GFM1: variants seen among roughly 807,000 people sequenced by gnomAD.
The protein encoded by GFM1 is elongation factor G, mitochondrial.
A neutral mutation model predicts 96.2 loss-of-function variants in GFM1; 62 were observed. That is an observed-to-expected ratio of 0.64 (90% CI 0.53 to 0.80). GFM1 has a LOEUF of 0.80. Ranked by LOEUF, GFM1 falls within the 30% of genes least tolerant of loss-of-function variation. GFM1 has a pLI of 0.00. For missense variants in GFM1, 852 were observed against 916.6 expected (o/e 0.93, Z 0.91); for synonymous variants, 282 against 312.9 (o/e 0.90, Z 1.04).
intron 9 of GFM1, among the ~76,000 whole-genome samples, chr3:158,659,960 A>G (rs1723067056): frequency 6.6e-6 from 1 of 152,318 alleles, no homozygotes; most frequent in East Asian, 1.9e-4. Context: ...AAAGAAAGAC[A>G]TGCTTACTCA....
rs948498221 is a variant in GFM1, at chr3:158,692,954, A to G, written c.*1487A>G. ...GCTCTCTGCCTGCCCCAGCCTCCCA[A>G]AGTGCTGGGATTATGGGCATGAACC... On this transcript the variant is annotated 3_prime_UTR_variant, in exon 18 of 18. Transcript: ENST00000486715. Among the ~76,000 whole-genome samples, 1 of 152,096 alleles carries G rather than the reference A, an allele frequency of 6.6e-6. No individual in the cohort carries two copies. Among genetic ancestry groups the G allele is most frequent in the Non-Finnish European group, 1.5e-5 (1 of 67,998 alleles).
Position 158,645,740 on chromosome 3 carries a change from C to G in GFM1, c.193C>G (p.Arg65Gly). Residue 65 changes from arginine (R) to glycine (G), a missense_variant, in exon 2 of 18, where the codon CGA becomes GGA. Transcript: ENST00000486715. ...TTCTGGGAAAACTACATTAACAGAA[C>G]GAGTCCTTTACTACACTGGCAGAAT... The part of the protein sequence containing the change: ...IDSGKTTLTE[R>G]VLYYTGRIAK... 6.2e-7 allele frequency: 1 copy of G among 1,611,970 alleles called. No individual in the cohort carries two copies. Among genetic ancestry groups the G allele is most frequent in the Non-Finnish European group, 8.5e-7 (1 of 1,178,108 alleles).
At chr3:158,644,807 T>C (rs1230085207) in intron 1 of GFM1, 92 bp downstream of exon 1, 5 of 1,067,586 alleles carry the variant, frequency 4.7e-6, no homozygotes, top group African/African-American at 1.6e-5. Context: ...CCCTGGGTCC[T>C]CATGACTGAC....
At chr3:158,690,078 A>G (rs758137802) in intron 15 of GFM1, 85 bp from the exon 16 acceptor site, 5 of 1,213,164 alleles carry the variant, frequency 4.1e-6, no homozygotes, top group Non-Finnish European at 6.0e-6. Flanking sequence ...TTGGGAAAGC[A>G]TCATTTTTCT....
intron 13 of GFM1, among the ~76,000 whole-genome samples, chr3:158,671,670 CAGAT>C (rs1724328857): frequency 6.6e-6 from 1 of 152,126 alleles, no homozygotes; most frequent in Non-Finnish European, 1.5e-5. Flanking sequence ...AAAATTCTGT[CAGAT>C]AAATAAGGGA....
At chr3:158,664,342 A>C (rs1723437352) in intron 11 of GFM1, among the ~76,000 whole-genome samples, 2 of 152,210 alleles carry the variant, frequency 1.3e-5, no homozygotes, top group Admixed American at 1.3e-4. Context: ...GATATTGGTA[A>C]TGTTGTTTTC....
chr3:158,655,485 G>GAA (rs150158574), intron 8 of GFM1, among the ~76,000 whole-genome samples: 34 of 136,508 alleles, frequency 2.5e-4, no homozygotes, highest in East Asian at 1.3e-3. Context: ...CTTCATCTCG[G>GAA]AAAAAAAAAA....
At chr3:158,653,633 A>G (rs900511317) in intron 7 of GFM1, among the ~76,000 whole-genome samples, 166 bp downstream of exon 7, 2 of 152,036 alleles carry the variant, frequency 1.3e-5, no homozygotes, top group African/African-American at 2.4e-5. Context: ...AAAAATATTT[A>G]TTATACTAGT....
In GFM1 at chr3:158,645,844, A is replaced by C; in HGVS notation, c.234+63A>C. On this transcript the variant is annotated intron_variant, in intron 2 of 17. Coordinates refer to ENST00000486715, the MANE Select transcript of GFM1 (RefSeq NM_024996.7). The stretch of plus-strand genomic sequence containing the variant: ...AGATTTTAATTGTTTTGTTGCTATT[A>C]TTTAATAAAGCTTATAAACCTGAAA... The C allele has an allele frequency of 2.2e-6, 3 of 1,379,480 alleles. No individual in the cohort carries two copies. In the South Asian group the frequency reaches 3.5e-5, roughly 16 times the overall value. 85.5% of individuals were successfully genotyped at this position (1,379,480 alleles called of 1,614,324 possible).
rs182932534 is a variant in GFM1 at position 158,695,191 on chromosome 3, C to A, written c.*3724C>A. ...GAGTTCGAGACCACCCTGGCCAACA[C>A]GGTGAAACCCCGTCTCTACTATAAA... On this transcript the variant is annotated 3_prime_UTR_variant, in exon 18 of 18. Coordinates refer to ENST00000486715, the MANE Select transcript of GFM1 (RefSeq NM_024996.7). Among the ~76,000 whole-genome samples the A allele has an allele frequency of 2.0e-5, 3 of 151,704 alleles. No individual in the cohort carries two copies. Among genetic ancestry groups the A allele is most frequent in the African/African-American group, 4.8e-5 (2 of 41,310 alleles).
chr3:158,654,773 A>C, intron 8 of GFM1, 142 bp downstream of exon 8: 1 of 669,342 alleles, frequency 1.5e-6, no homozygotes, highest in Middle Eastern at 3.2e-4. Context: ...GAATTTCCAA[A>C]GCTCTGACAT....
chr3:158,649,043 C>A lies in GFM1; in HGVS notation c.575C>A (p.Ser192Tyr), dbSNP rs143154148. The A allele has an allele frequency of 1.3e-5, 18 of 1,413,344 alleles. No individual in the cohort carries two copies. The highest frequency in any genetic ancestry group is 5.8e-5 in the South Asian group (5 of 86,910). The allele number at this position is 1,413,344 out of a possible 1,614,324, so 87.6% of individuals were successfully genotyped here. The change falls in exon 5 of 18, where the codon TCT becomes TAT. Residue 192 changes from serine to tyrosine, a missense_variant and splice_region_variant. Ser to Tyr is a moderately radical substitution (Grantham distance 144). Coordinates refer to ENST00000486715, the MANE Select transcript of GFM1 (RefSeq NM_024996.7). Reference sequence around the variant, plus strand: ...ACAAGTGTATTTTTATTTTTCAGGTCTAAACTAAATCATAATGCAGCGTTT... The same window carrying A: ...ACAAGTGTATTTTTATTTTTCAGGTATAAACTAAATCATAATGCAGCGTTT... ...NPARALQQMR[S>Y]KLNHNAAFMQ... is the part of the protein sequence containing the mutation.
chr3:158,672,506 G>T (rs777451506), intron 13 of GFM1: 4 of 1,612,794 alleles, frequency 2.5e-6, no homozygotes, highest in Non-Finnish European at 3.4e-6. Flanking sequence ...TTCAGGGCTT[G>T]GGCTACTCTG....
In GFM1 at chr3:158,669,647, A is replaced by G. The variant is rs149185264; in HGVS notation, c.1601+3261A>G. On this transcript the variant is annotated intron_variant, in intron 13 of 17. Transcript: ENST00000486715. ...TTAGCAAAATATCCTTATATACAGA[A>G]GGCTATTCATTATTAATTATCATCT... 20 of 1,558,368 alleles carry G rather than the reference A, an allele frequency of 1.3e-5. No individual in the cohort carries two copies. The African/African-American group carries it at 2.7e-4, about 21-fold the overall frequency.
intron 7 of GFM1, 48 bp from the exon 8 acceptor site, chr3:158,654,498 GA>G (rs1292900442): frequency 8.8e-7 from 1 of 1,131,220 alleles, no homozygotes; most frequent in Non-Finnish European, 1.3e-6. Flanking sequence ...TGATATAAAA[GA>G]AATATCATAT....
chr3:158,673,032 CGATTCCTTCATTTCCCTTCCCCTTATGA>C (rs1308633909), intron 13 of GFM1, among the ~76,000 whole-genome samples: 2 of 152,114 alleles, frequency 1.3e-5, no homozygotes, highest in African/African-American at 4.8e-5. Context: ...GGTAGTGATT[CGATTCCTTCATTTCCCTTCCCCTTATGA>C]GAGTCCAGGA....
intron 8 of GFM1, among the ~76,000 whole-genome samples, chr3:158,658,157 C>CTTTTTT (rs397842738): frequency 0.082 from 7,912 of 97,008 alleles, 745 homozygotes; most frequent in Non-Finnish European, 0.11. Flanking sequence ...TCACAGAACT[C>CTTTTTT]TTTTTTTTTT....
At chr3:158,652,536 AT>A (rs890148285) in intron 6 of GFM1, among the ~76,000 whole-genome samples, 3 of 151,872 alleles carry the variant, frequency 2.0e-5, no homozygotes, top group African/African-American at 7.3e-5. Flanking sequence ...CATTTTATTC[AT>A]TTGTTGGTTG....
chr3:158,669,731 G>A, intron 13 of GFM1: 8 of 946,268 alleles, frequency 8.5e-6, no homozygotes, highest in Non-Finnish European at 1.1e-5. Context: ...AGACTTCAAA[G>A]TGCTTGTTTT....
Sources: allele counts gnomAD v4.1 joint callset (sites outside exome capture counted in the v4.1 genomes callset), GRCh38; gene constraint gnomAD v4.1.1; transcripts MANE v1.5; gene names NCBI Gene and HGNC (gene_info 2026-07-23, HGNC 2026-07-21).